Variants in CTNND2 observed in about 807,000 individuals in gnomAD.
CTNND2 encodes the protein catenin delta 2, also known as catenin delta-2.
Under a neutral mutation model 144.4 loss-of-function variants are expected in CTNND2, and 22 were observed. The ratio of observed to expected loss-of-function variants is 0.15; its 90% CI spans 0.11 to 0.22. The LOEUF (loss-of-function observed/expected upper bound fraction) is 0.22, where lower values mean the gene tolerates loss of function less well. CTNND2 is among the 10% of genes least tolerant of loss of function. The pLI is 1.00. For missense variants in CTNND2, 1,353 were observed against 1,618.8 expected (o/e 0.84, Z 2.82); for synonymous variants, 751 against 695.6 (o/e 1.08, Z -1.25).
At chr5:11,461,625 T>C (rs1187916841) in intron 3 of CTNND2, among the ~76,000 whole-genome samples, 2 of 152,164 alleles carry the variant, frequency 1.3e-5, no homozygotes, top group East Asian at 1.9e-4. Context: ...CTTGAGCATG[T>C]TGTAGCTCGA....
chr5:11,629,132 C>T (rs1287976087), intron 2 of CTNND2, among the ~76,000 whole-genome samples: 2 of 152,216 alleles, frequency 1.3e-5, no homozygotes, highest in East Asian at 1.9e-4. Context: ...GGTAGCAGAA[C>T]AAATGAAAAT....
In CTNND2 at chr5:11,370,897, A is replaced by G. The variant is rs368725430; in HGVS notation, c.1178-6007T>C. ...CATTATTGAGATAAAGTGCTGTTGT[A>G]TGGAGAAAAAAGTAAATTTCTTATG... On this transcript the variant is annotated intron_variant, in intron 7 of 21. Transcript: ENST00000304623. Among the ~76,000 whole-genome samples, 113 of 152,350 alleles carry G rather than the reference A, an allele frequency of 7.4e-4. 2 individuals are homozygous for G. In the South Asian group the frequency reaches 0.023, roughly 31 times the overall value.
rs1207645377 is a variant in CTNND2, at chr5:11,210,314, TTTGA to T, written c.1762-10657_1762-10654del. Among the ~76,000 whole-genome samples the T allele has an allele frequency of 2.4e-4, 37 of 151,850 alleles. 1 individual carries two copies. The highest frequency in any genetic ancestry group is 1.5e-5 in the Non-Finnish European group (1 of 67,948). ...TCAGGAGGCTGAGGAATGGGGATCATTTGAGCCCAGGGGGCAGAGGCTGCAGTGA... is the reference window on the plus strand; with the variant it reads ...TCAGGAGGCTGAGGAATGGGGATCATGCCCAGGGGGCAGAGGCTGCAGTGA... On this transcript the variant is annotated intron_variant, in intron 10 of 21. Transcript: ENST00000304623.
intron 3 of CTNND2, among the ~76,000 whole-genome samples, chr5:11,470,098 T>C (rs540190134): frequency 1.8e-4 from 27 of 152,302 alleles, no homozygotes; most frequent in African/African-American, 6.5e-4. Flanking sequence ...TCCTTCTTTA[T>C]AAAACACACC....
At chr5:11,643,640 A>G (rs1004712560) in intron 2 of CTNND2, among the ~76,000 whole-genome samples, 1 of 151,974 alleles carries the variant, frequency 6.6e-6, no homozygotes, top group South Asian at 2.1e-4. Flanking sequence ...CTATCATTGT[A>G]CAGCTTTATA....
rs1004068986 is a variant in CTNND2, at chr5:11,326,519, C to T, written c.1628+19853G>A. Among the ~76,000 whole-genome samples, 21 of 152,172 alleles carry T rather than the reference C, an allele frequency of 1.4e-4. 1 individual carries two copies. The highest frequency in any genetic ancestry group is 4.3e-4 in the African/African-American group (18 of 41,442). The stretch of plus-strand genomic sequence containing the variant: ...TCTCAGCCTGAAAGCCACTGATCTA[C>T]AATGTAAAGGGTACAATTCCTATCT... On this transcript the variant is annotated intron_variant, in intron 9 of 21. Coordinates refer to ENST00000304623, the MANE Select transcript of CTNND2 (RefSeq NM_001332.4).
intron 9 of CTNND2, among the ~76,000 whole-genome samples, chr5:11,318,275 A>G (rs548403936): frequency 6.6e-6 from 1 of 152,200 alleles, no homozygotes; most frequent in African/African-American, 2.4e-5. Flanking sequence ...CTGTCCCTCC[A>G]TGGTGTTCAC....
chr5:11,274,011 C>A (rs911360708), intron 9 of CTNND2, among the ~76,000 whole-genome samples: 33 of 152,218 alleles, frequency 2.2e-4, no homozygotes, highest in African/African-American at 7.0e-4. Flanking sequence ...TCATTTTTCC[C>A]ATGTTTTATT....
intron 15 of CTNND2, among the ~76,000 whole-genome samples, chr5:11,085,714 C>T (rs1750061414): frequency 6.6e-6 from 1 of 152,168 alleles, no homozygotes; most frequent in Non-Finnish European, 1.5e-5. Flanking sequence ...ACAGAGCCTC[C>T]ATGCTGGGGA....
At chr5:11,692,591 C>G (rs1294790120) in intron 2 of CTNND2, among the ~76,000 whole-genome samples, 1 of 152,070 alleles carries the variant, frequency 6.6e-6, no homozygotes, top group African/African-American at 2.4e-5. Flanking sequence ...ATTTGGAAAA[C>G]TAGGTCAACA....
At chr5:11,294,748 T>C (rs1748720987) in intron 9 of CTNND2, among the ~76,000 whole-genome samples, 1 of 152,156 alleles carries the variant, frequency 6.6e-6, no homozygotes, top group Admixed American at 6.5e-5. Context: ...ATTATCTCAA[T>C]AGATGCAGAA....
intron 9 of CTNND2, among the ~76,000 whole-genome samples, chr5:11,282,593 G>A (rs549054409): frequency 6.6e-6 from 1 of 152,276 alleles, no homozygotes; most frequent in East Asian, 1.9e-4. Flanking sequence ...GTTAGGGAAC[G>A]ACTGTTTTGT....
rs35528177 is a variant in CTNND2, at chr5:11,018,707, CTTTTTTTTTT to C, written c.3000-659_3000-650del. Among the ~76,000 whole-genome samples, 15 of 129,608 alleles carry C rather than the reference CTTTTTTTTTT, an allele frequency of 1.2e-4. No individual in the cohort carries two copies. The East Asian group carries it at 1.8e-3, about 15-fold the overall frequency. 85.0% of individuals were successfully genotyped at this position (129,608 alleles called of 152,430 possible). The stretch of plus-strand genomic sequence containing the variant: ...CCCAATCCACAGCAAGGCCCTGACT[CTTTTTTTTTT>C]TTTTTTTTTTTGAGACTGAGTCTTG... On this transcript the variant is annotated intron_variant, in intron 17 of 21. Coordinates refer to ENST00000304623, the MANE Select transcript of CTNND2 (RefSeq NM_001332.4).
At chr5:11,011,460 G>A (rs956478330) in intron 18 of CTNND2, among the ~76,000 whole-genome samples, 5 of 152,050 alleles carry the variant, frequency 3.3e-5, no homozygotes, top group South Asian at 4.1e-4. Flanking sequence ...CAAGTGATCC[G>A]CCTATCTCGG....
intron 1 of CTNND2, among the ~76,000 whole-genome samples, chr5:11,785,116 ATAATACCT>A (rs1790759128): frequency 6.6e-6 from 1 of 152,264 alleles, no homozygotes; most frequent in Non-Finnish European, 1.5e-5. Context: ...GTTCTTCATC[ATAATACCT>A]TATACACAGG....
At chr5:11,511,057 C>T (rs901700906) in intron 3 of CTNND2, among the ~76,000 whole-genome samples, 7 of 152,166 alleles carry the variant, frequency 4.6e-5, no homozygotes, top group Admixed American at 1.3e-4. Context: ...CGTACTATGT[C>T]CAAGTATGCT....
intron 8 of CTNND2, among the ~76,000 whole-genome samples, chr5:11,348,357 C>T (rs568997894): frequency 6.8e-6 from 1 of 147,484 alleles, no homozygotes; most frequent in East Asian, 2.0e-4. Context: ...CATAAACTTG[C>T]TCTTGGATGA....
chr5:11,587,132 A>G (rs1778925338), intron 2 of CTNND2, among the ~76,000 whole-genome samples: 1 of 152,110 alleles, frequency 6.6e-6, no homozygotes. Flanking sequence ...ATTTACAAAA[A>G]ATGTGAGCAC....
At chr5:11,231,192 T>C in intron 10 of CTNND2, among the ~76,000 whole-genome samples, 1 of 152,110 alleles carries the variant, frequency 6.6e-6, no homozygotes, top group Non-Finnish European at 1.5e-5. Context: ...TTCTGAGGCA[T>C]CTCCAGTCCT....
Sources: gnomAD v4.1 joint callset for allele counts (sites outside exome capture counted in the v4.1 genomes callset) on GRCh38, gnomAD v4.1.1 for gene constraint, MANE v1.5 for transcripts, NCBI Gene and HGNC (gene_info 2026-07-23, HGNC 2026-07-21) for gene names.